The following VPS13A variants were observed in gnomAD, a reference collection of about 807,000 sequenced individuals.
VPS13A encodes intermembrane lipid transfer protein VPS13A.
In VPS13A, 264 loss-of-function variants were observed where a neutral mutation model predicts 390.9. The observed-to-expected ratio is 0.68, with a 90% CI of 0.61 to 0.75. The LOEUF is 0.75. Ranked by LOEUF, VPS13A falls within the 30% of genes least tolerant of loss-of-function variation. The pLI is 0.00. For missense variants in VPS13A, 3,409 were observed against 3,733.9 expected, an observed-to-expected ratio of 0.91 and a Z score of 2.27; for synonymous variants, 1,231 against 1,227.1, an observed-to-expected ratio of 1.00 and a Z score of -0.07.
intron 22 of VPS13A, among the ~76,000 whole-genome samples, chr9:77,258,326 A>T (rs1455118459): frequency 6.6e-6 from 1 of 152,188 alleles, no homozygotes; most frequent in African/African-American, 2.4e-5. Context: ...TACTAGGAAG[A>T]ATAGAGGGAA....
At chr9:77,332,926 C>T (rs774698040) in intron 46 of VPS13A, among the ~76,000 whole-genome samples, 3 of 152,108 alleles carry the variant, frequency 2.0e-5, no homozygotes, top group East Asian at 1.9e-4. Context: ...CTCAATGCTC[C>T]GAAGACAATC....
At position 77,211,037 on chromosome 9, in the gene VPS13A, A is replaced by T. The variant is rs924986274; in HGVS notation, c.555+362A>T. 5.3e-5 allele frequency among the ~76,000 whole-genome samples: 8 copies of T among 152,198 alleles called. No homozygotes were observed. The South Asian group carries it at 1.7e-3, about 31-fold the overall frequency. ...AAAATCTTCAGTTTTTCTCAATATC[A>T]TTATTAATATTGTAGCATAGTGTTT... On this transcript the variant is annotated intron_variant, in intron 7 of 71. Coordinates refer to ENST00000360280, the MANE Select transcript of VPS13A (RefSeq NM_033305.3).
chr9:77,294,313 G>A (rs1051837732), intron 32 of VPS13A, among the ~76,000 whole-genome samples: 3 of 152,088 alleles, frequency 2.0e-5, no homozygotes, highest in South Asian at 2.1e-4. Flanking sequence ...AAGGCATTTC[G>A]GTTCTTATTT....
intron 35 of VPS13A, among the ~76,000 whole-genome samples, chr9:77,312,164 C>A (rs1378967575): frequency 6.6e-6 from 1 of 151,812 alleles, no homozygotes; most frequent in Admixed American, 6.6e-5. Flanking sequence ...ATAATAGAAT[C>A]CAACAAAAGA....
chr9:77,369,745 A>C (rs1230138312), intron 63 of VPS13A, among the ~76,000 whole-genome samples: 2 of 152,202 alleles, frequency 1.3e-5, no homozygotes, highest in Non-Finnish European at 2.9e-5. Flanking sequence ...ACACCTGGCC[A>C]AGCAATCTTA....
intron 29 of VPS13A, among the ~76,000 whole-genome samples, chr9:77,282,968 CAAAA>C (rs1190942567): frequency 6.7e-6 from 1 of 148,308 alleles, no homozygotes; most frequent in South Asian, 2.2e-4. Flanking sequence ...AAAAAAAAAA[CAAAA>C]AAGAGTATCA....
Position 77,275,523 on chromosome 9 carries a change from A to C in VPS13A, c.2538A>C (p.Ala846=). Reference sequence around the variant, plus strand: ...ATTCAGAGGAGGAATTTTTTGATGCACCATGTAGTCCCTTGGAAGAACCTC... The same window carrying C: ...ATTCAGAGGAGGAATTTTTTGATGCCCCATGTAGTCCCTTGGAAGAACCTC... ...EDDSEEEFFD[A]PCSPLEEPLQ... The change falls in exon 25 of 72, where the codon GCA becomes GCC. Residue 846 remains alanine (A), a synonymous_variant. Transcript: ENST00000360280. 6.2e-7 allele frequency: 1 copy of C among 1,613,806 alleles called. No individual in the cohort carries two copies. Among genetic ancestry groups the C allele is most frequent in the Non-Finnish European group, 8.5e-7 (1 of 1,179,824 alleles).
chr9:77,339,736 T>C lies in VPS13A; in HGVS notation c.6599T>C (p.Met2200Thr). 6.2e-7 allele frequency: 1 copy of C among 1,614,132 alleles called. No homozygotes were observed. Among genetic ancestry groups the C allele is most frequent in the Non-Finnish European group, 8.5e-7 (1 of 1,179,992 alleles). ...ACTGATTTAGATATTGCTGTCCATA[T>C]GACTTACAATACTGGTCAGACAGTT... is the stretch of plus-strand genomic sequence containing the variant. Reference protein sequence around the residue: ...EKTDLDIAVHMTYNTGQTVVA... With the variant: ...EKTDLDIAVHTTYNTGQTVVA... The change falls in exon 48 of 72, where the codon ATG becomes ACG. Residue 2200 changes from methionine (M) to threonine (T), a missense_variant. By Grantham distance (81) the Met-to-Thr change is moderately conservative (BLOSUM62 -1). This residue lies in a region of VPS13A where 2,717 missense variants were observed against 2,917.4 expected (regional missense o/e 0.93). Transcript: ENST00000360280.
chr9:77,197,090 G>A lies in VPS13A; in HGVS notation c.101-2855G>A, dbSNP rs116461463. 8.2e-3 allele frequency among the ~76,000 whole-genome samples: 1,245 copies of A among 152,080 alleles called. 20 individuals carry two copies. Among genetic ancestry groups the A allele is most frequent in the African/African-American group, 0.029 (1,196 of 41,488 alleles). On this transcript the variant is annotated intron_variant, in intron 1 of 71. Coordinates refer to ENST00000360280, the MANE Select transcript of VPS13A (RefSeq NM_033305.3). ...TTTGATTTTTATTTATCTGATGATG[G>A]GTGATGCTGAGCCTTTTCTCATATA...
In VPS13A at chr9:77,238,288, T is replaced by C. The variant is rs1194537384; in HGVS notation, c.1802T>C (p.Ile601Thr). The C allele has an allele frequency of 6.2e-6, 10 of 1,613,892 alleles. No homozygotes were observed. Among genetic ancestry groups the C allele is most frequent in the Non-Finnish European group, 8.5e-6 (10 of 1,179,822 alleles). Residue 601 changes from isoleucine (I) to threonine (T), a missense_variant, in exon 19 of 72, where the codon ATA becomes ACA. Physicochemically the swap from Ile to Thr is moderately conservative, Grantham distance 89 (BLOSUM62 -1). Transcript: ENST00000360280. Reference protein sequence around the residue: ...IIYDARTVNSIVEFFRPPKEV... With the variant: ...IIYDARTVNSTVEFFRPPKEV... ...TTTTAACAGAGGACAGTGAATAGTATAGTGGAATTCTTCAGACCTCCAAAA... is the reference window on the plus strand; with the variant it reads ...TTTTAACAGAGGACAGTGAATAGTACAGTGGAATTCTTCAGACCTCCAAAA...
rs1824720491 is a variant in VPS13A at position 77,244,963 on chromosome 9, C to G, written c.1901-2296C>G. On this transcript the variant is annotated intron_variant, in intron 19 of 71. Transcript: ENST00000360280. ...TGATGGTCCACTGTGAAGAGCTTAA[C>G]TTAGCAAACAATTGGGTGAATTTGG... Among the ~76,000 whole-genome samples the G allele has an allele frequency of 2.0e-5, 3 of 152,106 alleles. No homozygotes were observed. In the South Asian group the frequency reaches 6.2e-4, roughly 31 times the overall value.
chr9:77,285,451 T>C (rs999700930), intron 31 of VPS13A, among the ~76,000 whole-genome samples: 4 of 152,202 alleles, frequency 2.6e-5, no homozygotes, highest in African/African-American at 9.6e-5. Context: ...CTTGCTGACC[T>C]GATAGTCTCA....
chr9:77,215,568 A>T (rs918897847), intron 10 of VPS13A, among the ~76,000 whole-genome samples: 8 of 152,206 alleles, frequency 5.3e-5, no homozygotes, highest in Non-Finnish European at 1.0e-4. Context: ...AGTAATTTGA[A>T]GAGGACAAAT....
intron 29 of VPS13A, 77 bp downstream of exon 29, chr9:77,282,351 AT>A: frequency 7.7e-7 from 1 of 1,307,020 alleles, no homozygotes; most frequent in Non-Finnish European, 1.1e-6. Context: ...CCCTGACTTT[AT>A]TATTAACTTC....
At chr9:77,215,096 C>T (rs537148601) in intron 10 of VPS13A, among the ~76,000 whole-genome samples, 6 of 152,128 alleles carry the variant, frequency 3.9e-5, no homozygotes, top group Non-Finnish European at 7.4e-5. Flanking sequence ...GCCAAGATCA[C>T]GCCACTGCAC....
chr9:77,263,130 G>A (rs1228203225), intron 23 of VPS13A, among the ~76,000 whole-genome samples: 7 of 144,562 alleles, frequency 4.8e-5, no homozygotes, highest in African/African-American at 7.6e-5. Flanking sequence ...TTTTTGAGAC[G>A]GAGTCTCGCT....
intron 33 of VPS13A, among the ~76,000 whole-genome samples, chr9:77,297,478 G>T (rs985651718): frequency 6.6e-6 from 1 of 151,998 alleles, no homozygotes; most frequent in African/African-American, 2.4e-5. Context: ...CAATCGTAGG[G>T]CTCACCTCAT....
chr9:77,185,463 G>A (rs1824274658), intron 1 of VPS13A, among the ~76,000 whole-genome samples: 1 of 152,180 alleles, frequency 6.6e-6, no homozygotes, highest in Admixed American at 6.5e-5. Context: ...TTTCTAGGTA[G>A]ATAGTGTCAT....
chr9:77,264,587 GCT>G (rs1825930720), intron 23 of VPS13A, among the ~76,000 whole-genome samples: 1 of 151,962 alleles, frequency 6.6e-6, no homozygotes, highest in Non-Finnish European at 1.5e-5. Flanking sequence ...TGATTATTTG[GCT>G]CTCTGTTTGT....
Sources: allele counts gnomAD v4.1 joint callset (sites outside exome capture counted in the v4.1 genomes callset), GRCh38; gene constraint gnomAD v4.1.1; regional missense constraint gnomAD v4.1.1; transcripts MANE v1.5; gene names NCBI Gene and HGNC (gene_info 2026-07-23, HGNC 2026-07-21).